The following LRFN5 variants were observed in gnomAD, a reference collection of about 807,000 sequenced individuals.
LRFN5 encodes leucine rich repeat and fibronectin type III domain containing 5.
Under a neutral mutation model 45.6 loss-of-function variants are expected in LRFN5, and 24 were observed. The ratio of observed to expected loss-of-function variants is 0.53; its 90% CI spans 0.38 to 0.74. The LOEUF (loss-of-function observed/expected upper bound fraction) is 0.74, where lower values mean the gene tolerates loss of function less well. LRFN5 is among the 30% of genes least tolerant of loss of function. LRFN5 has a pLI of 0.00. For missense variants in LRFN5, 776 were observed against 861.5 expected (o/e 0.90, Z 1.24); for synonymous variants, 340 against 313.8 (o/e 1.08, Z -0.88).
intron 1 of LRFN5, among the ~76,000 whole-genome samples, chr14:41,746,228 A>G (rs1884912893): frequency 6.6e-6 from 1 of 152,052 alleles, no homozygotes; most frequent in Non-Finnish European, 1.5e-5. Context: ...GTAATATACC[A>G]CATAAACAGA....
chr14:41,702,053 AC>A (rs1443652271), intron 1 of LRFN5, among the ~76,000 whole-genome samples: 1 of 152,172 alleles, frequency 6.6e-6, no homozygotes, highest in Non-Finnish European at 1.5e-5. Context: ...CTTGCCCAGG[AC>A]TAAGCATAGG....
chr14:41,809,430 C>CA (rs1480458161), intron 2 of LRFN5, among the ~76,000 whole-genome samples: 1 of 151,188 alleles, frequency 6.6e-6, no homozygotes, highest in Non-Finnish European at 1.5e-5. Context: ...GAGAGGGTGG[C>CA]AAAAAATGAT....
chr14:41,657,462 G>T (rs1318959977), intron 1 of LRFN5, among the ~76,000 whole-genome samples: 1 of 151,846 alleles, frequency 6.6e-6, no homozygotes, highest in East Asian at 1.9e-4. Context: ...ACCCATCTCA[G>T]AAGGACATCA....
At chr14:41,663,933 A>G (rs1476133368) in intron 1 of LRFN5, among the ~76,000 whole-genome samples, 3 of 152,076 alleles carry the variant, frequency 2.0e-5, no homozygotes, top group Non-Finnish European at 4.4e-5. Context: ...CACATTAACA[A>G]CTAGAAATAG....
At chr14:41,790,510 G>A (rs1352666806) in intron 2 of LRFN5, among the ~76,000 whole-genome samples, 1 of 148,860 alleles carries the variant, frequency 6.7e-6, no homozygotes, top group African/African-American at 2.5e-5. Flanking sequence ...CCTAACTATG[G>A]TGGATTTTCT....
rs747784924 is a variant in LRFN5 at position 41,673,198 on chromosome 14, GTCA to G, written c.-197+64641_-197+64643del. ...CTTTCTATTCCACAAAACCGCCATT[GTCA>G]TCATGGCCCGTTCTCAATGAGCTGT... On this transcript the variant is annotated intron_variant, in intron 1 of 5. Coordinates refer to ENST00000298119, the MANE Select transcript of LRFN5 (RefSeq NM_152447.5). Among the ~76,000 whole-genome samples the G allele has an allele frequency of 1.2e-3, 183 of 152,086 alleles. 1 individual carries two copies. Among genetic ancestry groups the G allele is most frequent in the Non-Finnish European group, 2.0e-3 (135 of 67,994 alleles).
chr14:41,702,310 G>A (rs1882871918), intron 1 of LRFN5, among the ~76,000 whole-genome samples: 1 of 152,072 alleles, frequency 6.6e-6, no homozygotes, highest in Non-Finnish European at 1.5e-5. Context: ...CGACATACAA[G>A]GATGCTGAAG....
chr14:41,627,088 C>G (rs1173960309), intron 1 of LRFN5, among the ~76,000 whole-genome samples: 1 of 152,138 alleles, frequency 6.6e-6, no homozygotes, highest in African/African-American at 2.4e-5. Context: ...ATTTAACTTT[C>G]ACAGCAGAAC....
intron 1 of LRFN5, among the ~76,000 whole-genome samples, chr14:41,608,912 C>T (rs550580055): frequency 2.0e-5 from 3 of 152,254 alleles, no homozygotes; most frequent in South Asian, 4.1e-4. Context: ...GGTACCCAAC[C>T]CTTTCCAGAT....
chr14:41,785,830 A>T (rs1201936743), intron 2 of LRFN5, among the ~76,000 whole-genome samples: 1 of 152,156 alleles, frequency 6.6e-6, no homozygotes, highest in Non-Finnish European at 1.5e-5. Flanking sequence ...TCATATACAC[A>T]GTTCACAGTG....
At chr14:41,836,543 CTT>C (rs1163316068) in intron 2 of LRFN5, among the ~76,000 whole-genome samples, 1 of 152,134 alleles carries the variant, frequency 6.6e-6, no homozygotes. Context: ...CTATAAGTAA[CTT>C]TTTGTTGCTT....
intron 2 of LRFN5, among the ~76,000 whole-genome samples, chr14:41,795,905 C>T (rs1229662776): frequency 1.5e-5 from 2 of 130,664 alleles, no homozygotes; most frequent in African/African-American, 3.0e-5. Flanking sequence ...TGCACATGTA[C>T]CCTAGAACTT....
intron 2 of LRFN5, among the ~76,000 whole-genome samples, chr14:41,818,712 T>A (rs73319453): frequency 0.011 from 1,699 of 152,272 alleles, 29 homozygotes; most frequent in African/African-American, 0.039. Context: ...TTTTGTCTTT[T>A]TGTGTTGATT....
chr14:41,704,456 G>C (rs1882979582), intron 1 of LRFN5, among the ~76,000 whole-genome samples: 1 of 148,546 alleles, frequency 6.7e-6, no homozygotes, highest in African/African-American at 2.6e-5. Flanking sequence ...CTCTGTGTGT[G>C]TGTGTCTGTG....
At chr14:41,657,896 A>G (rs1880453477) in intron 1 of LRFN5, among the ~76,000 whole-genome samples, 1 of 151,874 alleles carries the variant, frequency 6.6e-6, no homozygotes, top group African/African-American at 2.4e-5. Context: ...AGTAAGGTAA[A>G]AGAGCTTGTT....
chr14:41,880,161 T>A (rs1037410008), intron 2 of LRFN5, among the ~76,000 whole-genome samples: 2 of 151,638 alleles, frequency 1.3e-5, no homozygotes, highest in Admixed American at 1.3e-4. Flanking sequence ...TCTCCTGACC[T>A]CGTGATCTGC....
At chr14:41,898,307 T>A (rs1006110326) in intron 4 of LRFN5, among the ~76,000 whole-genome samples, 2 of 152,062 alleles carry the variant, frequency 1.3e-5, no homozygotes, top group Admixed American at 1.3e-4. Context: ...GGTATTAAAC[T>A]TTTATAGGCA....
At chr14:41,893,233 C>G in intron 4 of LRFN5, 1 of 962,076 alleles carries the variant, frequency 1.0e-6, no homozygotes, top group Non-Finnish European at 1.2e-6. Context: ...TTAGTAGAAA[C>G]TAATGTTGCT....
At chr14:41,700,080 A>G (rs1882775625) in intron 1 of LRFN5, 1 of 152,076 alleles carries the variant, frequency 6.6e-6, no homozygotes, top group African/African-American at 2.4e-5. Context: ...TAGAAACATG[A>G]ATTTGTGGCG....
Sources: allele counts gnomAD v4.1 joint callset (sites outside exome capture counted in the v4.1 genomes callset), GRCh38; gene constraint gnomAD v4.1.1; transcripts MANE v1.5; gene names NCBI Gene and HGNC (gene_info 2026-07-23, HGNC 2026-07-21).